JPH1: variants seen among roughly 807,000 people sequenced by gnomAD.
JPH1 encodes junctophilin-1.
A neutral mutation model predicts 53.6 loss-of-function variants in JPH1; 12 were observed. The observed-to-expected ratio is 0.22, with a 90% CI of 0.14 to 0.36. The LOEUF (loss-of-function observed/expected upper bound fraction) is 0.36. JPH1 is among the 10% of genes least tolerant of loss of function. The pLI is 1.00. For missense variants in JPH1, 808 were observed against 905.5 expected, an observed-to-expected ratio of 0.89 and a Z score of 1.38; for synonymous variants, 375 against 363.8, an observed-to-expected ratio of 1.03 and a Z score of -0.35.
intron 2 of JPH1, among the ~76,000 whole-genome samples, chr8:74,270,053 A>G (rs912877373): frequency 2.0e-5 from 3 of 151,962 alleles, no homozygotes; most frequent in African/African-American, 7.3e-5. Context: ...TATGCTTCCT[A>G]TTGAAAAATG....
chr8:74,250,876 C>A (rs543955647), intron 3 of JPH1, among the ~76,000 whole-genome samples: 1 of 152,264 alleles, frequency 6.6e-6, no homozygotes, highest in South Asian at 2.1e-4. Flanking sequence ...TACTAGTTTA[C>A]AATGAGCAAT....
chr8:74,246,506 A>T (rs1805865999), intron 3 of JPH1, among the ~76,000 whole-genome samples: 1 of 152,194 alleles, frequency 6.6e-6, no homozygotes, highest in African/African-American at 2.4e-5. Flanking sequence ...ATTTAATTAT[A>T]CAAGGAATTT....
intron 2 of JPH1, among the ~76,000 whole-genome samples, chr8:74,271,428 C>T (rs1027093745): frequency 5.3e-5 from 8 of 152,164 alleles, no homozygotes; most frequent in South Asian, 2.1e-4. Flanking sequence ...TCTTGGCCAG[C>T]GATAGGAGTA....
intron 1 of JPH1, among the ~76,000 whole-genome samples, chr8:74,316,754 CTAAA>C (rs1421761867): frequency 2.0e-5 from 3 of 152,010 alleles, no homozygotes; most frequent in Admixed American, 6.6e-5. Context: ...TTTTTTGCTA[CTAAA>C]TAAATAAGCA....
intron 2 of JPH1, among the ~76,000 whole-genome samples, chr8:74,268,235 TTAAAG>T (rs773467309): frequency 6.6e-6 from 1 of 152,194 alleles, no homozygotes; most frequent in Non-Finnish European, 1.5e-5. Flanking sequence ...AATCTGGGGC[TTAAAG>T]TAAAGAGGTA....
chr8:74,264,910 T>G (rs184878576), intron 2 of JPH1, among the ~76,000 whole-genome samples: 1 of 152,330 alleles, frequency 6.6e-6, no homozygotes, highest in East Asian at 1.9e-4. Flanking sequence ...TGATCTTAAC[T>G]CCTGTGCTTC....
chr8:74,276,206 A>AG (rs1420485285), intron 2 of JPH1, among the ~76,000 whole-genome samples: 1 of 152,176 alleles, frequency 6.6e-6, no homozygotes. Context: ...GCTGGAAAAA[A>AG]GGGGCACAGG....
At chr8:74,269,614 T>TTAGAAAAC (rs1321732957) in intron 2 of JPH1, among the ~76,000 whole-genome samples, 3 of 152,274 alleles carry the variant, frequency 2.0e-5, no homozygotes, top group Non-Finnish European at 4.4e-5. Context: ...CTCTTGAAAC[T>TTAGAAAAC]TCTGCTTTAA....
intron 2 of JPH1, among the ~76,000 whole-genome samples, chr8:74,274,953 C>T (rs1806805874): frequency 6.6e-6 from 1 of 152,104 alleles, no homozygotes; most frequent in Admixed American, 6.5e-5. Context: ...GTATAGAAAC[C>T]AAGGTTTCGG....
chr8:74,295,761 C>T (rs766789715), intron 2 of JPH1, among the ~76,000 whole-genome samples: 6 of 152,140 alleles, frequency 3.9e-5, no homozygotes, highest in Non-Finnish European at 8.8e-5. Context: ...AGCTTGCCTG[C>T]AGATGGGTCT....
chr8:74,236,533 G>A lies in JPH1; in HGVS notation c.*518C>T, dbSNP rs1478992687. 4 of 152,588 alleles carry A rather than the reference G, an allele frequency of 2.6e-5. No individual in the cohort carries two copies. Among genetic ancestry groups the A allele is most frequent in the Non-Finnish European group, 2.9e-5 (2 of 68,044 alleles). 9.5% of individuals were successfully genotyped at this position (152,588 alleles called of 1,614,324 possible). A position where few individuals can be genotyped will look rare whatever the true frequency, so the allele number is the denominator to read the frequency against. On this transcript the variant is annotated 3_prime_UTR_variant, in exon 6 of 6. Coordinates refer to ENST00000342232, the MANE Select transcript of JPH1 (RefSeq NM_020647.4). ...ACCTATTTCTTCTAATGAGATAGGAGTGAATGTTGGAACCACGTCCACAGC... is the reference window on the plus strand; with the variant it reads ...ACCTATTTCTTCTAATGAGATAGGAATGAATGTTGGAACCACGTCCACAGC...
chr8:74,261,839 C>G (rs1474875423), intron 2 of JPH1, among the ~76,000 whole-genome samples: 2 of 152,132 alleles, frequency 1.3e-5, no homozygotes, highest in Admixed American at 1.3e-4. Flanking sequence ...GATAAATTTA[C>G]AAAACTCAAG....
intron 2 of JPH1, among the ~76,000 whole-genome samples, chr8:74,297,866 G>A (rs994921414): frequency 6.6e-6 from 1 of 151,490 alleles, no homozygotes; most frequent in Non-Finnish European, 1.5e-5. Flanking sequence ...TAAATAAAAA[G>A]TACTTGCTAA....
intron 2 of JPH1, among the ~76,000 whole-genome samples, chr8:74,302,588 C>T (rs139573678): frequency 7.9e-5 from 12 of 152,230 alleles, no homozygotes; most frequent in African/African-American, 2.6e-4. Context: ...TGAGTGTAAT[C>T]GCTAAGGACT....
chr8:74,254,542 A>G (rs1167869938), intron 3 of JPH1, among the ~76,000 whole-genome samples: 1 of 152,102 alleles, frequency 6.6e-6, no homozygotes, highest in African/African-American at 2.4e-5. Context: ...AGTTCTGGCC[A>G]GGGCAATCAG....
At chr8:74,256,887 G>A (rs930443887) in intron 3 of JPH1, among the ~76,000 whole-genome samples, 1 of 152,180 alleles carries the variant, frequency 6.6e-6, no homozygotes, top group Non-Finnish European at 1.5e-5. Context: ...GCTATGACAG[G>A]CATCTTTTAT....
chr8:74,294,865 T>C (rs545059212), intron 2 of JPH1, among the ~76,000 whole-genome samples: 1 of 152,382 alleles, frequency 6.6e-6, no homozygotes, highest in South Asian at 2.1e-4. Flanking sequence ...TCTGAGTAGC[T>C]ATTGCTGTTC....
At chr8:74,247,085 C>G (rs1189876216) in intron 3 of JPH1, among the ~76,000 whole-genome samples, 1 of 152,124 alleles carries the variant, frequency 6.6e-6, no homozygotes, top group African/African-American at 2.4e-5. Context: ...CTGAACTGTC[C>G]CTGCTCTTTA....
At chr8:74,280,588 T>C (rs1806984217) in intron 2 of JPH1, among the ~76,000 whole-genome samples, 1 of 151,892 alleles carries the variant, frequency 6.6e-6, no homozygotes, top group Non-Finnish European at 1.5e-5. Context: ...CAGAGAAAAG[T>C]GGATAACAGG....
Sources: allele counts gnomAD v4.1 joint callset (sites outside exome capture counted in the v4.1 genomes callset), GRCh38; gene constraint gnomAD v4.1.1; transcripts MANE v1.5; gene names NCBI Gene and HGNC (gene_info 2026-07-23, HGNC 2026-07-21).